Variants in SOX5 observed in about 807,000 individuals in gnomAD.
The protein encoded by SOX5 is SRY-box transcription factor 5, also known as transcription factor SOX-5.
SOX5 carries 9 observed loss-of-function variants against 92.0 expected under a neutral mutation model. The ratio of observed to expected loss-of-function variants is 0.10; its 90% CI spans 0.06 to 0.17. The LOEUF is 0.17. SOX5 is among the 10% of genes least tolerant of loss of function. SOX5 has a pLI of 1.00. For synonymous variants in SOX5, 344 were observed against 336.3 expected (o/e 1.02, Z -0.25); for missense variants, 642 against 944.5 (o/e 0.68, Z 4.20).
chr12:24,320,443 C>T (rs1950097921), intron 2 of SOX5, among the ~76,000 whole-genome samples: 1 of 152,150 alleles, frequency 6.6e-6, no homozygotes, highest in African/African-American at 2.4e-5. Flanking sequence ...ATTCCTATAT[C>T]TATTCTTCAG....
chr12:24,554,033 G>A (rs1328365814), intron 1 of SOX5, among the ~76,000 whole-genome samples: 1 of 152,204 alleles, frequency 6.6e-6, no homozygotes, highest in East Asian at 1.9e-4. Context: ...TTCAAAAGCA[G>A]TTCCCAGTGC....
chr12:24,424,196 T>C (rs1231701106), intron 1 of SOX5, among the ~76,000 whole-genome samples: 1 of 152,168 alleles, frequency 6.6e-6, no homozygotes, highest in African/African-American at 2.4e-5. Context: ...GGCACAGCTT[T>C]AAGAATAGAT....
At chr12:23,953,551 C>T (rs1945921254), upstream of SOX5, among the ~76,000 whole-genome samples, 2 of 151,828 alleles carry the variant, frequency 1.3e-5, no homozygotes, top group African/African-American at 2.4e-5. Flanking sequence ...AGTGCTATGG[C>T]TTTAATAAAA....
At chr12:24,314,226 G>C (rs543637606) in intron 2 of SOX5, among the ~76,000 whole-genome samples, 1 of 152,188 alleles carries the variant, frequency 6.6e-6, no homozygotes, top group Admixed American at 6.5e-5. Flanking sequence ...TCTTGCGATA[G>C]TTTGCTGAGA....
chr12:23,534,229 T>G lies in SOX5; in HGVS notation c.2282A>C (p.Gln761Pro). ...ATCTTTTGACCCTTATCAGTTGGCT[T>G]GTCCTGCAATATGGTTTTCACTGTC... ...GSDSENHIAG[Q>P]AN The change falls in exon 15 of 15, where the codon CAA becomes CCA. Residue 761 changes from glutamine to proline, a missense_variant. Physicochemically the swap from Gln to Pro is moderately conservative, Grantham distance 76. Around this residue, in one of 8 missense-constraint regions of SOX5, gnomAD observed 130 missense variants for 140.6 expected, o/e 0.92. Coordinates refer to ENST00000451604, the MANE Select transcript of SOX5 (RefSeq NM_006940.6). The G allele has an allele frequency of 6.2e-7, 1 of 1,613,676 alleles. No homozygotes were observed. The highest frequency in any genetic ancestry group is 8.5e-7 in the Non-Finnish European group (1 of 1,179,624).
At chr12:23,727,187 T>C (rs2093179313) in intron 6 of SOX5, among the ~76,000 whole-genome samples, 2 of 152,152 alleles carry the variant, frequency 1.3e-5, no homozygotes, top group South Asian at 4.1e-4. Flanking sequence ...CTTCTAAACA[T>C]TGTTATCAAC....
chr12:23,650,345 T>C (rs2081397716), intron 7 of SOX5, among the ~76,000 whole-genome samples: 1 of 152,140 alleles, frequency 6.6e-6, no homozygotes, highest in Non-Finnish European at 1.5e-5. Flanking sequence ...CCTTCCCATG[T>C]ATTATAAATG....
chr12:23,557,975 CAA>C (rs371140908), intron 11 of SOX5, among the ~76,000 whole-genome samples: 5 of 113,022 alleles, frequency 4.4e-5, no homozygotes, highest in Admixed American at 1.9e-4. Context: ...GACTCCGCCT[CAA>C]AAAAAAAAAA....
At chr12:24,505,826 G>GGT (rs1378354543) in intron 1 of SOX5, among the ~76,000 whole-genome samples, 6 of 83,954 alleles carry the variant, frequency 7.1e-5, no homozygotes, top group African/African-American at 1.1e-4. Flanking sequence ...GCCAAGGCTT[G>GGT]GTATGTGTGT....
intron 4 of SOX5, among the ~76,000 whole-genome samples, chr12:24,074,630 C>CAAAAA (rs76320418): frequency 0.013 from 684 of 50,996 alleles, 24 homozygotes; most frequent in Non-Finnish European, 0.019. Flanking sequence ...TGTAAACTAC[C>CAAAAA]AAAAAAAAAA....
intron 2 of SOX5, among the ~76,000 whole-genome samples, chr12:24,315,672 A>T (rs1949631155): frequency 6.6e-6 from 1 of 152,182 alleles, no homozygotes; most frequent in African/African-American, 2.4e-5. Context: ...AAATAAAATA[A>T]AATATGAAAG....
intron 4 of SOX5, among the ~76,000 whole-genome samples, chr12:24,067,928 T>C (rs1941046916): frequency 6.6e-6 from 1 of 152,198 alleles, no homozygotes; most frequent in Non-Finnish European, 1.5e-5. Flanking sequence ...GCGGATTGCC[T>C]GAGCTCAGGA....
intron 6 of SOX5, among the ~76,000 whole-genome samples, chr12:23,709,395 A>G (rs749415580): frequency 6.4e-4 from 97 of 152,166 alleles, no homozygotes; most frequent in Non-Finnish European, 1.1e-3. Flanking sequence ...GTGAGCTACA[A>G]TGCCCAGACA....
At chr12:24,306,180 G>A (rs764217738) in intron 2 of SOX5, among the ~76,000 whole-genome samples, 4 of 152,238 alleles carry the variant, frequency 2.6e-5, no homozygotes, top group South Asian at 2.1e-4. Context: ...TGATAAAGGC[G>A]GGGAAAGTGG....
chr12:23,854,282 T>G (rs1024799359), intron 2 of SOX5, among the ~76,000 whole-genome samples: 3 of 152,224 alleles, frequency 2.0e-5, no homozygotes, highest in African/African-American at 7.2e-5. Flanking sequence ...AAACTGACTA[T>G]GTCTTCACTA....
chr12:23,610,516 T>C (rs888913468), intron 8 of SOX5, among the ~76,000 whole-genome samples: 1 of 152,132 alleles, frequency 6.6e-6, no homozygotes, highest in Non-Finnish European at 1.5e-5. Flanking sequence ...AACAGTAAAA[T>C]TGAACAAATG....
chr12:24,243,822 T>C (rs1235087031), intron 3 of SOX5, among the ~76,000 whole-genome samples: 7 of 152,122 alleles, frequency 4.6e-5, no homozygotes, highest in African/African-American at 1.4e-4. Context: ...TCAATAAAGT[T>C]TCTCCACCTA....
intron 4 of SOX5, among the ~76,000 whole-genome samples, chr12:24,092,838 C>A (rs1214547795): frequency 5.3e-5 from 8 of 152,064 alleles, no homozygotes; most frequent in Non-Finnish European, 1.2e-4. Context: ...TGCTTTAGAC[C>A]AATAAATAAT....
intron 11 of SOX5, among the ~76,000 whole-genome samples, chr12:23,558,158 C>T (rs754376614): frequency 1.3e-4 from 20 of 152,152 alleles, no homozygotes; most frequent in Non-Finnish European, 2.2e-4. Context: ...TAGCCATTGC[C>T]CTTCTTTCCT....
Sources: gnomAD v4.1 joint callset for allele counts (sites outside exome capture counted in the v4.1 genomes callset) on GRCh38, gnomAD v4.1.1 for gene constraint, gnomAD v4.1.1 regional missense constraint, MANE v1.5 for transcripts, NCBI Gene and HGNC (gene_info 2026-07-23, HGNC 2026-07-21) for gene names.